Variants in HLCS observed in about 807,000 individuals in gnomAD.
HLCS encodes the protein holocarboxylase synthetase.
Under a neutral mutation model 75.0 loss-of-function variants are expected in HLCS, and 53 were observed. The observed-to-expected ratio is 0.71, with a 90% CI of 0.57 to 0.89. HLCS has a LOEUF of 0.89. Among genes scored for constraint, HLCS ranks in the 40% least tolerant of loss-of-function variants. The pLI, the probability that HLCS is intolerant of heterozygous loss-of-function variation, is 0.00. For missense variants in HLCS, 966 were observed against 1,074.0 expected, an observed-to-expected ratio of 0.90 and a Z score of 1.41; for synonymous variants, 431 against 428.6, an observed-to-expected ratio of 1.01 and a Z score of -0.07.
chr21:36,810,284 AG>A (rs1408834302), intron 6 of HLCS, among the ~76,000 whole-genome samples: 1 of 152,242 alleles, frequency 6.6e-6, no homozygotes, highest in Non-Finnish European at 1.5e-5. Context: ...GTTGGCAATT[AG>A]CTGAACCTGA....
intron 6 of HLCS, among the ~76,000 whole-genome samples, chr21:36,864,413 C>T (rs2063486759): frequency 6.6e-6 from 1 of 151,264 alleles, no homozygotes; most frequent in Non-Finnish European, 1.5e-5. Context: ...AAAAAAAGTA[C>T]ATGAACAAAC....
chr21:36,825,704 G>A (rs914719349), intron 6 of HLCS, among the ~76,000 whole-genome samples: 1 of 152,154 alleles, frequency 6.6e-6, no homozygotes, highest in Non-Finnish European at 1.5e-5. Context: ...TCACCTGCAG[G>A]CCACATATGC....
chr21:36,864,160 G>A (rs2063476194), intron 6 of HLCS, among the ~76,000 whole-genome samples: 1 of 152,210 alleles, frequency 6.6e-6, no homozygotes, highest in African/African-American at 2.4e-5. Context: ...AGCACTTTGG[G>A]AGGCTGAGGC....
chr21:36,772,060 G>A (rs1331654539), intron 6 of HLCS, among the ~76,000 whole-genome samples: 1 of 151,760 alleles, frequency 6.6e-6, no homozygotes, highest in African/African-American at 2.4e-5. Context: ...ACCTTGGGGA[G>A]TGAACATATT....
chr21:36,880,023 G>A (rs2064142620), intron 6 of HLCS, among the ~76,000 whole-genome samples: 1 of 152,076 alleles, frequency 6.6e-6, no homozygotes, highest in Admixed American at 6.6e-5. Context: ...GGGCATTCAA[G>A]CCCTCTGGCC....
In HLCS at chr21:36,798,143, G is replaced by A. The variant is rs371545030; in HGVS notation, c.1893-30858C>T. On this transcript the variant is annotated intron_variant, in intron 6 of 10. Coordinates refer to ENST00000674895, the MANE Select transcript of HLCS (RefSeq NM_001352514.2). ...AAACACAAAGGATGGAGGTAGTAGC[G>A]TGTGCTTGACCTGAGGCCCAACGAG... Among the ~76,000 whole-genome samples, 22 of 152,290 alleles carry A rather than the reference G, an allele frequency of 1.4e-4. No homozygotes were observed. The South Asian group carries it at 1.5e-3, about 10-fold the overall frequency.
At chr21:36,767,001 T>C (rs998379050) in intron 7 of HLCS, among the ~76,000 whole-genome samples, 2 of 152,188 alleles carry the variant, frequency 1.3e-5, no homozygotes, top group Non-Finnish European at 2.9e-5. Context: ...TTCATAAGCA[T>C]TATGATTTGA....
At chr21:36,758,086 C>T (rs917841204) in intron 9 of HLCS, among the ~76,000 whole-genome samples, 2 of 152,138 alleles carry the variant, frequency 1.3e-5, no homozygotes, top group African/African-American at 4.8e-5. Flanking sequence ...TGTTTCATTC[C>T]CCTACTTTAT....
intron 6 of HLCS, among the ~76,000 whole-genome samples, chr21:36,869,215 T>C (rs944482165): frequency 6.6e-6 from 1 of 151,950 alleles, no homozygotes; most frequent in Non-Finnish European, 1.5e-5. Flanking sequence ...AGCTCCGCCT[T>C]CCAGGTTCAC....
At chr21:36,811,130 TA>T (rs1456180094) in intron 6 of HLCS, among the ~76,000 whole-genome samples, 2 of 152,228 alleles carry the variant, frequency 1.3e-5, no homozygotes, top group African/African-American at 4.8e-5. Flanking sequence ...CTAATTAACA[TA>T]TGTATTACCT....
chr21:36,788,102 A>G (rs1335954583), intron 6 of HLCS, among the ~76,000 whole-genome samples: 1 of 152,220 alleles, frequency 6.6e-6, no homozygotes. Flanking sequence ...CAAAAGATTA[A>G]AACCAAGATG....
At chr21:36,973,114 C>G (rs563770874) in intron 1 of HLCS, among the ~76,000 whole-genome samples, 1 of 151,626 alleles carries the variant, frequency 6.6e-6, no homozygotes, top group African/African-American at 2.4e-5. Context: ...CCTGTGGTGA[C>G]AGCTTCTCGG....
chr21:36,958,626 T>G (rs755447568), intron 2 of HLCS, among the ~76,000 whole-genome samples: 3 of 151,780 alleles, frequency 2.0e-5, no homozygotes, highest in Non-Finnish European at 2.9e-5. Flanking sequence ...CGGTCTCTGC[T>G]AAAATACAAA....
chr21:36,853,457 A>G (rs1054233426), intron 6 of HLCS, among the ~76,000 whole-genome samples: 3 of 152,246 alleles, frequency 2.0e-5, no homozygotes, highest in African/African-American at 7.2e-5. Flanking sequence ...CAAGGTTTTT[A>G]TAACAGTATG....
intron 6 of HLCS, among the ~76,000 whole-genome samples, chr21:36,779,644 T>G (rs374959541): frequency 7.2e-5 from 11 of 152,060 alleles, no homozygotes; most frequent in Non-Finnish European, 1.2e-4. Context: ...TTGTTTACAG[T>G]TTTTTTTGCC....
intron 1 of HLCS, among the ~76,000 whole-genome samples, chr21:36,978,708 G>A (rs560454361): frequency 6.6e-6 from 1 of 152,202 alleles, no homozygotes; most frequent in African/African-American, 2.4e-5. Flanking sequence ...TGAAGGGTCG[G>A]GAGACCCTTA....
intron 5 of HLCS, among the ~76,000 whole-genome samples, chr21:36,916,175 G>A (rs890049919): frequency 6.6e-6 from 1 of 152,022 alleles, no homozygotes; most frequent in Non-Finnish European, 1.5e-5. Context: ...TAGATCTAAG[G>A]TTCCAAGTCA....
chr21:36,810,819 C>T (rs754771971), intron 6 of HLCS, among the ~76,000 whole-genome samples: 6 of 152,072 alleles, frequency 3.9e-5, no homozygotes, highest in East Asian at 1.9e-4. Context: ...TACAAGGTTA[C>T]GCCTGGAATA....
intron 2 of HLCS, among the ~76,000 whole-genome samples, chr21:36,952,735 G>A (rs1307140019): frequency 1.4e-5 from 2 of 146,016 alleles, no homozygotes; most frequent in Non-Finnish European, 3.0e-5. Flanking sequence ...AGGTTGCAGT[G>A]AGCTGAGATC....
Sources: gnomAD v4.1 joint callset for allele counts (sites outside exome capture counted in the v4.1 genomes callset) on GRCh38, gnomAD v4.1.1 for gene constraint, MANE v1.5 for transcripts, NCBI Gene and HGNC (gene_info 2026-07-23, HGNC 2026-07-21) for gene names.